IL1R1: variants seen among roughly 807,000 people sequenced by gnomAD.
IL1R1 encodes the protein interleukin 1 receptor type 1.
Under a neutral mutation model 50.2 loss-of-function variants are expected in IL1R1, and 22 were observed. The ratio of observed to expected loss-of-function variants is 0.44; its 90% CI spans 0.31 to 0.63. The LOEUF is 0.63. Ranked by LOEUF, IL1R1 falls within the 20% of genes least tolerant of loss-of-function variation. The probability of loss-of-function intolerance (pLI) is 0.07; values close to 1 mark genes in which losing one functional copy is unlikely to be tolerated. For synonymous variants in IL1R1, 251 were observed against 236.7 expected, an observed-to-expected ratio of 1.06 and a Z score of -0.55; for missense variants, 509 against 676.2, an observed-to-expected ratio of 0.75 and a Z score of 2.74.
chr2:102,084,303 G>A (rs528488525), intron 1 of IL1R1, among the ~76,000 whole-genome samples: 4 of 152,310 alleles, frequency 2.6e-5, no homozygotes, highest in African/African-American at 9.6e-5. Flanking sequence ...ACATGGAAAT[G>A]CAGCAAAATA....
chr2:102,151,421 G>T (rs1029072235), intron 1 of IL1R1, among the ~76,000 whole-genome samples: 5 of 152,182 alleles, frequency 3.3e-5, no homozygotes, highest in African/African-American at 1.2e-4. Flanking sequence ...TGGTGGGTAG[G>T]TAGGTAGGTG....
At chr2:102,148,148 C>T (rs1409023337) in intron 1 of IL1R1, among the ~76,000 whole-genome samples, 2 of 152,132 alleles carry the variant, frequency 1.3e-5, no homozygotes, top group Admixed American at 6.5e-5. Context: ...GTTGTGTGCA[C>T]ATGATAGAGC....
intron 1 of IL1R1, among the ~76,000 whole-genome samples, chr2:102,098,785 A>G (rs1680012520): frequency 6.6e-6 from 1 of 152,198 alleles, no homozygotes; most frequent in Non-Finnish European, 1.5e-5. Context: ...TTTATGTCCC[A>G]TATCTTCTGT....
intron 11 of IL1R1, chr2:102,175,869 T>A: frequency 1.6e-6 from 1 of 606,608 alleles, no homozygotes; most frequent in Non-Finnish European, 2.9e-6. Context: ...TTGAAAAACT[T>A]AATGACTAGT....
rs562315299 is a variant in IL1R1 at position 102,176,534 on chromosome 2, C to T, written c.1485C>T (p.Asp495=). 6.2e-7 allele frequency: 1 copy of T among 1,614,160 alleles called. No individual in the cohort carries two copies. The highest frequency in any genetic ancestry group is 1.1e-5 in the South Asian group (1 of 91,082). ...TGCTTGAGCTGGAGAAAATCCAAGA[C>T]TATGAGAAAATGCCAGAATCGATTA... ...VVLLELEKIQ[D]YEKMPESIKF... is the part of the protein sequence containing the mutation. Residue 495 remains aspartate, a synonymous_variant, in exon 12 of 12, where the codon GAC becomes GAT. Transcript: ENST00000410023.
intron 1 of IL1R1, among the ~76,000 whole-genome samples, chr2:102,077,664 T>A (rs1272850512): frequency 1.3e-5 from 2 of 152,224 alleles, no homozygotes; most frequent in African/African-American, 2.4e-5. Context: ...TCCTGCTTCT[T>A]TGCATGCATG....
Position 102,176,905 on chromosome 2 carries a change from G to C in IL1R1, c.*146G>C. The stretch of plus-strand genomic sequence containing the variant: ...AGGTCACCTGGAATCAGATTATTAA[G>C]GGAATAAGCCATGACGTCAATAGCA... On this transcript the variant is annotated 3_prime_UTR_variant, in exon 12 of 12. Transcript: ENST00000410023. 1.3e-6 allele frequency: 1 copy of C among 785,162 alleles called. No individual in the cohort carries two copies. Among genetic ancestry groups the C allele is most frequent in the Non-Finnish European group, 2.0e-6 (1 of 488,808 alleles). The allele number at this position is 785,162 out of a possible 1,614,324, so 48.6% of individuals were successfully genotyped here.
At chr2:102,126,918 T>A (rs577070119) in intron 1 of IL1R1, among the ~76,000 whole-genome samples, 413 of 152,266 alleles carry the variant, frequency 2.7e-3, no homozygotes, top group African/African-American at 9.3e-3. Flanking sequence ...AGGAGCTGGG[T>A]TTCAGTGAAG....
chr2:102,171,991 AG>A, intron 8 of IL1R1, 73 bp downstream of exon 8: 1 of 646,586 alleles, frequency 1.5e-6, no homozygotes, highest in Non-Finnish European at 2.4e-6. Flanking sequence ...TTGTCGGTTC[AG>A]TTTAAAAGCA....
chr2:102,083,974 G>T (rs1679330279), intron 1 of IL1R1, among the ~76,000 whole-genome samples: 1 of 151,958 alleles, frequency 6.6e-6, no homozygotes, highest in Admixed American at 6.6e-5. Context: ...AGCAATATGT[G>T]CTTTAGCTAA....
rs543828943 is a variant in IL1R1 at position 102,142,966 on chromosome 2, A to C, written c.-138A>C. 6.6e-6 allele frequency: 1 copy of C among 152,268 alleles called. No homozygotes were observed. The highest frequency in any genetic ancestry group is 1.9e-4 in the East Asian group (1 of 5,136). 9.4% of individuals were successfully genotyped at this position (152,268 alleles called of 1,614,324 possible). On this transcript the variant is annotated 5_prime_UTR_variant, in exon 1 of 12. Transcript: ENST00000410023. ...CTAGGGCTCTCGCCCCTCTGAGCTG[A>C]GCCGGGTTCCGCCCGGGGCTGGGAT...
At position 102,152,504 on chromosome 2, in the gene IL1R1, C is replaced by CAAAAAAAAAAAAA. The variant is rs70946674; in HGVS notation, c.-83-1412_-83-1400dup. On this transcript the variant is annotated intron_variant, in intron 1 of 11. Coordinates refer to ENST00000410023, the MANE Select transcript of IL1R1 (RefSeq NM_000877.4). ...TGGGGGACAGAGCAAGACTCCGTCTCAAAAAAAAAAAAAAAAAAAAAAAAA... is the reference window on the plus strand; with the variant it reads ...TGGGGGACAGAGCAAGACTCCGTCTCAAAAAAAAAAAAAAAAAAAAAAAAAAAAAAAAAAAAAA... 1.0e-4 allele frequency among the ~76,000 whole-genome samples: 3 copies of CAAAAAAAAAAAAA among 29,696 alleles called. 1 individual carries two copies. The highest frequency in any genetic ancestry group is 5.7e-5 in the Non-Finnish European group (1 of 17,662). 19.5% of individuals were successfully genotyped at this position (29,696 alleles called of 152,430 possible).
intron 1 of IL1R1, among the ~76,000 whole-genome samples, chr2:102,097,031 A>G (rs1276308617): frequency 6.6e-6 from 1 of 152,332 alleles, no homozygotes; most frequent in East Asian, 1.9e-4. Context: ...AGGATAGGAA[A>G]TATTACAATG....
intron 1 of IL1R1, among the ~76,000 whole-genome samples, chr2:102,070,807 C>T (rs73943962): frequency 0.011 from 1,616 of 152,138 alleles, 30 homozygotes; most frequent in African/African-American, 0.037. Flanking sequence ...CTTTGAACAC[C>T]TGTGTTCACC....
Position 102,154,259 on chromosome 2 carries a change from A to G in IL1R1, c.-7+242A>G, listed in dbSNP as rs548539817. Among the ~76,000 whole-genome samples the G allele has an allele frequency of 1.6e-4, 24 of 152,356 alleles. 1 individual carries two copies. The East Asian group carries it at 2.7e-3, about 17-fold the overall frequency. On this transcript the variant is annotated intron_variant, in intron 2 of 11. Coordinates refer to ENST00000410023, the MANE Select transcript of IL1R1 (RefSeq NM_000877.4). ...TCCCAGGTCACCTTGACTGTGCTAC[A>G]GTAGAGACCTGGGAAATGATGGGTT...
At chr2:102,163,889 G>A (rs929969559) in intron 3 of IL1R1, among the ~76,000 whole-genome samples, 3 of 152,074 alleles carry the variant, frequency 2.0e-5, no homozygotes, top group Non-Finnish European at 2.9e-5. Context: ...TAATCCTTTC[G>A]GGTCTTGCTT....
intron 1 of IL1R1, among the ~76,000 whole-genome samples, chr2:102,105,125 C>CTATCCCA (rs1200871232): frequency 1.3e-5 from 2 of 152,118 alleles, no homozygotes; most frequent in African/African-American, 4.8e-5. Context: ...GGAAGATTAA[C>CTATCCCA]TATGAAACAT....
chr2:102,126,130 TTAAGCA>T (rs1285335691), intron 1 of IL1R1, among the ~76,000 whole-genome samples: 1 of 152,216 alleles, frequency 6.6e-6, no homozygotes, highest in Non-Finnish European at 1.5e-5. Context: ...CATAACCTAC[TTAAGCA>T]TGATATTAAA....
At chr2:102,161,994 G>T (rs376207292) in intron 3 of IL1R1, among the ~76,000 whole-genome samples, 2 of 152,096 alleles carry the variant, frequency 1.3e-5, no homozygotes, top group African/African-American at 4.8e-5. Context: ...GAGCCACCAC[G>T]CCTGGCTGAC....
Sources: gnomAD v4.1 joint callset for allele counts (sites outside exome capture counted in the v4.1 genomes callset) on GRCh38, gnomAD v4.1.1 for gene constraint, MANE v1.5 for transcripts, NCBI Gene and HGNC (gene_info 2026-07-23, HGNC 2026-07-21) for gene names.